Variants in TRPC3 observed in about 807,000 individuals in gnomAD.
The protein encoded by TRPC3 is transient receptor potential cation channel subfamily C member 3, also known as short transient receptor potential channel 3.
A neutral mutation model predicts 90.9 loss-of-function variants in TRPC3; 54 were observed. That is an observed-to-expected ratio of 0.59 (90% CI 0.48 to 0.75). The LOEUF (loss-of-function observed/expected upper bound fraction) is 0.75. Among genes scored for constraint, TRPC3 ranks in the 30% least tolerant of loss-of-function variants. TRPC3 has a pLI of 0.00. For synonymous variants in TRPC3, 424 were observed against 450.9 expected (o/e 0.94, Z 0.75); for missense variants, 918 against 1,194.5 (o/e 0.77, Z 3.41).
rs113948295 is a variant in TRPC3 at position 121,890,508 on chromosome 4, A to G, written c.2548-8079T>C. Among the ~76,000 whole-genome samples the G allele has an allele frequency of 5.7e-3, 862 of 152,306 alleles. 11 individuals carry two copies. The highest frequency in any genetic ancestry group is 0.02 in the African/African-American group (824 of 41,564). On this transcript the variant is annotated intron_variant, in intron 10 of 11. Transcript: ENST00000379645. ...GTTTGAGGAAAAAGGAGCCAAAAAT[A>G]GAAATGGATGAAAAATTCAAAATGA... is the stretch of plus-strand genomic sequence containing the variant.
chr4:121,914,168 C>G (rs78789959), intron 4 of TRPC3, among the ~76,000 whole-genome samples: 5,368 of 152,160 alleles, frequency 0.035, 319 homozygotes, highest in African/African-American at 0.12. Context: ...CCAAAATGAT[C>G]CAAGCAAAAC....
intron 7 of TRPC3, among the ~76,000 whole-genome samples, chr4:121,906,540 C>T (rs1341538194): frequency 6.6e-6 from 1 of 152,098 alleles, no homozygotes; most frequent in Non-Finnish European, 1.5e-5. Flanking sequence ...GAGATGTCTA[C>T]AAGGGCTTGA....
At chr4:121,901,149 G>A (rs541504788) in intron 9 of TRPC3, among the ~76,000 whole-genome samples, 1 of 152,212 alleles carries the variant, frequency 6.6e-6, no homozygotes, top group African/African-American at 2.4e-5. Flanking sequence ...TGTGTTCTGT[G>A]AAGTGCAAGA....
chr4:121,904,580 G>T, intron 7 of TRPC3, 63 bp from the exon 8 acceptor site: 1 of 1,310,802 alleles, frequency 7.6e-7, no homozygotes, highest in Non-Finnish European at 1.0e-6. Context: ...AGAGTGAAAA[G>T]TAAAAAACAA....
At chr4:121,902,042 C>T (rs773707639) in intron 9 of TRPC3, among the ~76,000 whole-genome samples, 18 of 151,846 alleles carry the variant, frequency 1.2e-4, no homozygotes, top group Non-Finnish European at 2.1e-4. Context: ...CTAGTTTCAA[C>T]GAGAAAAAAT....
intron 1 of TRPC3, among the ~76,000 whole-genome samples, chr4:121,940,004 C>G (rs1238619550): frequency 6.6e-6 from 1 of 152,168 alleles, no homozygotes; most frequent in Non-Finnish European, 1.5e-5. Flanking sequence ...TAAACATTTA[C>G]TTTATAGTAT....
chr4:121,932,670 G>C lies in TRPC3; in HGVS notation c.588C>G (p.Asn196Lys), dbSNP rs1375366824. ...GCTTGCTGGCCGCGAAGCCAGGGTG[G>C]TTGAGGATGGCCTCTACGATGCGCA... ...GYVRIVEAIL[N>K]HPGFAASKRL... The change falls in exon 2 of 12, where the codon AAC (asparagine) becomes AAG (lysine). Residue 196 changes from asparagine (N) to lysine (K), a missense_variant. Asn to Lys is a moderately conservative substitution (Grantham distance 94). Transcript: ENST00000379645. This position sits in a 1 kb window ranked among gnomAD's most constrained non-coding sequence, Gnocchi z 7.7. The C allele has an allele frequency of 6.2e-7, 1 of 1,613,036 alleles. No individual in the cohort carries two copies. The highest frequency in any genetic ancestry group is 1.1e-5 in the South Asian group (1 of 91,052).
rs201127695 is a variant in TRPC3, at chr4:121,879,802, C to G, written c.2700G>C (p.Glu900Asp). ...ELLEDKSQAT[E>D]ELAILIHKLS... The stretch of plus-strand genomic sequence containing the variant: ...GTTTATGAATTAGAATGGCTAATTC[C>G]TCAGTTGCTTGGCTCTTGTCTTCCA... Residue 900 changes from glutamate (E) to aspartate (D), a missense_variant, in exon 12 of 12, where the codon GAG (glutamate) becomes GAC (aspartate). This residue lies in a region of TRPC3 where 41 missense variants were observed against 69.4 expected (regional missense o/e 0.59). Coordinates refer to ENST00000379645, the MANE Select transcript of TRPC3 (RefSeq NM_001130698.2). 13 of 1,607,802 alleles carry G rather than the reference C, an allele frequency of 8.1e-6. No individual in the cohort carries two copies. Among genetic ancestry groups the G allele is most frequent in the African/African-American group, 4.0e-5 (3 of 74,520 alleles).
chr4:121,913,414 A>T (rs1016100191), intron 4 of TRPC3, among the ~76,000 whole-genome samples: 3 of 152,200 alleles, frequency 2.0e-5, no homozygotes, highest in African/African-American at 7.2e-5. Flanking sequence ...GGCAGCTCTA[A>T]ACATGGGCTC....
intron 1 of TRPC3, among the ~76,000 whole-genome samples, chr4:121,948,621 A>T (rs1472745304): frequency 1.3e-5 from 2 of 152,172 alleles, no homozygotes; most frequent in Non-Finnish European, 2.9e-5. Flanking sequence ...GCTAAATCTC[A>T]CTGCTCCCCT....
At position 121,937,749 on chromosome 4, in the gene TRPC3, A is replaced by G. The variant is rs142065165; in HGVS notation, c.216-4707T>C. On this transcript the variant is annotated intron_variant, in intron 1 of 11. Coordinates refer to ENST00000379645, the MANE Select transcript of TRPC3 (RefSeq NM_001130698.2). ...TTTGTCCTTTAATCTAAAAATAAAAACTGTATAACCCTCACTCCCCTGCCC... is the reference window on the plus strand; with the variant it reads ...TTTGTCCTTTAATCTAAAAATAAAAGCTGTATAACCCTCACTCCCCTGCCC... Among the ~76,000 whole-genome samples, 14 of 152,316 alleles carry G rather than the reference A, an allele frequency of 9.2e-5. No individual in the cohort carries two copies. The East Asian group carries it at 2.7e-3, about 29-fold the overall frequency.
At chr4:121,884,146 A>G (rs1436671539) in intron 10 of TRPC3, among the ~76,000 whole-genome samples, 1 of 152,210 alleles carries the variant, frequency 6.6e-6, no homozygotes, top group Non-Finnish European at 1.5e-5. Flanking sequence ...TCTTAGAAGC[A>G]TAATGTTGAA....
chr4:121,917,952 G>A (rs1729373305), intron 3 of TRPC3, among the ~76,000 whole-genome samples: 1 of 152,190 alleles, frequency 6.6e-6, no homozygotes, highest in East Asian at 1.9e-4. Context: ...TGGAATTGAT[G>A]GACAAATTTC....
At chr4:121,931,817 C>T (rs569109973) in intron 2 of TRPC3, among the ~76,000 whole-genome samples, 13 of 152,292 alleles carry the variant, frequency 8.5e-5, no homozygotes, top group Admixed American at 7.2e-4. Flanking sequence ...CTTGCTCTGT[C>T]CAGTCCACCA....
chr4:121,924,030 G>C (rs1462232176), intron 3 of TRPC3, among the ~76,000 whole-genome samples: 2 of 152,068 alleles, frequency 1.3e-5, no homozygotes, highest in East Asian at 3.9e-4. Context: ...TTAGCAAATA[G>C]ATACACATAA....
chr4:121,913,606 C>T (rs1318266301), intron 4 of TRPC3, among the ~76,000 whole-genome samples: 1 of 152,206 alleles, frequency 6.6e-6, no homozygotes, highest in East Asian at 1.9e-4. Flanking sequence ...AACTTTCCAA[C>T]TCATTTCCTT....
At chr4:121,892,183 C>A (rs892985697) in intron 10 of TRPC3, among the ~76,000 whole-genome samples, 1 of 152,158 alleles carries the variant, frequency 6.6e-6, no homozygotes, top group Non-Finnish European at 1.5e-5. Context: ...TGAAACATAT[C>A]AATCAATTAA....
intron 1 of TRPC3, among the ~76,000 whole-genome samples, chr4:121,946,606 T>C (rs1730498196): frequency 6.6e-6 from 1 of 152,170 alleles, no homozygotes. Context: ...TAGATACATG[T>C]GAACATAAAT....
intron 10 of TRPC3, among the ~76,000 whole-genome samples, chr4:121,886,457 T>C (rs1003540814): frequency 6.6e-6 from 1 of 152,182 alleles, no homozygotes; most frequent in African/African-American, 2.4e-5. Flanking sequence ...TTTATACCAC[T>C]CACGAAACTT....
Sources: allele counts gnomAD v4.1 joint callset (sites outside exome capture counted in the v4.1 genomes callset), GRCh38; gene constraint gnomAD v4.1.1; regional missense constraint gnomAD v4.1.1; non-coding constraint Gnocchi (gnomAD v3.1); transcripts MANE v1.5; gene names NCBI Gene and HGNC (gene_info 2026-07-23, HGNC 2026-07-21).